The following NEIL3 variants were observed in gnomAD, a reference collection of about 807,000 sequenced individuals.
The protein encoded by NEIL3 is nei like DNA glycosylase 3.
A neutral mutation model predicts 57.5 loss-of-function variants in NEIL3; 48 were observed. The ratio of observed to expected loss-of-function variants is 0.83; its 90% CI spans 0.66 to 1.06. The LOEUF (loss-of-function observed/expected upper bound fraction) is 1.06, where lower values mean the gene tolerates loss of function less well. Among genes scored for constraint, NEIL3 ranks in the 50% least tolerant of loss-of-function variants. The pLI, the probability that NEIL3 is intolerant of heterozygous loss-of-function variation, is 0.00. For missense variants in NEIL3, 717 were observed against 739.1 expected (o/e 0.97, Z 0.35); for synonymous variants, 261 against 253.2 (o/e 1.03, Z -0.29).
intron 7 of NEIL3, among the ~76,000 whole-genome samples, chr4:177,352,225 A>G (rs1735368983): frequency 6.6e-6 from 1 of 152,200 alleles, no homozygotes; most frequent in South Asian, 2.1e-4. Flanking sequence ...GCATTGTGTC[A>G]ACTGTCATAT....
Position 177,335,621 on chromosome 4 carries a change from G to A in NEIL3, c.279-67G>A, listed in dbSNP as rs549732114. Reference sequence around the variant, plus strand: ...CTTATAATCCAAAAAAAAAATGATAGTACAGGAAAAAAGCTTGATAAATGA... The same window carrying A: ...CTTATAATCCAAAAAAAAAATGATAATACAGGAAAAAAGCTTGATAAATGA... On this transcript the variant is annotated intron_variant, in intron 2 of 9. Transcript: ENST00000264596. The A allele has an allele frequency of 9.2e-5, 135 of 1,462,072 alleles. No homozygotes were observed. In the African/African-American group the frequency reaches 1.6e-3, roughly 17 times the overall value. 90.6% of individuals were successfully genotyped at this position (1,462,072 alleles called of 1,614,324 possible). A position where few individuals can be genotyped will look rare whatever the true frequency, so the allele number is the denominator to read the frequency against.
chr4:177,322,818 A>G (rs922067851), intron 2 of NEIL3, among the ~76,000 whole-genome samples: 2 of 152,206 alleles, frequency 1.3e-5, no homozygotes, highest in Admixed American at 6.5e-5. Flanking sequence ...GATGTATTAG[A>G]GCAACACATC....
chr4:177,345,670 C>T (rs1384239718), intron 6 of NEIL3, among the ~76,000 whole-genome samples: 1 of 147,540 alleles, frequency 6.8e-6, no homozygotes, highest in African/African-American at 2.5e-5. Context: ...CATGAGCCAC[C>T]ACGCCTGGCT....
At chr4:177,341,683 A>T in intron 6 of NEIL3, 41 bp downstream of exon 6, 17 of 1,531,012 alleles carry the variant, frequency 1.1e-5, no homozygotes, top group Non-Finnish European at 1.5e-5. Context: ...TGCCCTAACC[A>T]TCTAACTAAA....
At chr4:177,364,885 G>T (rs548217428), downstream of NEIL3, among the ~76,000 whole-genome samples, 3 of 149,828 alleles carry the variant, frequency 2.0e-5, no homozygotes, top group South Asian at 6.3e-4. Flanking sequence ...CTGAGATCTC[G>T]CCATTGCACT....
At chr4:177,318,978 A>C (rs750745672) in intron 1 of NEIL3, among the ~76,000 whole-genome samples, 6 of 152,198 alleles carry the variant, frequency 3.9e-5, no homozygotes, top group African/African-American at 7.2e-5. Context: ...TTTAATGGGG[A>C]GGAGGATCAT....
chr4:177,351,304 C>T, intron 6 of NEIL3, 76 bp from the exon 7 acceptor site: 1 of 891,826 alleles, frequency 1.1e-6, no homozygotes, highest in Non-Finnish European at 1.6e-6. Context: ...ATTAATGGTT[C>T]TATAATCATT....
chr4:177,337,930 A>G (rs1257201053), intron 4 of NEIL3, among the ~76,000 whole-genome samples: 1 of 152,154 alleles, frequency 6.6e-6, no homozygotes, highest in Non-Finnish European at 1.5e-5. Context: ...GAGGCAGGAC[A>G]ATCGCTTAAG....
chr4:177,338,357 A>T (rs779459513), intron 4 of NEIL3, among the ~76,000 whole-genome samples: 4 of 152,176 alleles, frequency 2.6e-5, no homozygotes, highest in Non-Finnish European at 4.4e-5. Context: ...ACTCCTGCCT[A>T]TACCAAGTCC....
intron 2 of NEIL3, among the ~76,000 whole-genome samples, chr4:177,324,978 TA>T (rs1734752625): frequency 1.3e-5 from 2 of 151,990 alleles, no homozygotes; most frequent in Non-Finnish European, 2.9e-5. Flanking sequence ...GATAGATAGA[TA>T]GATAGATAAG....
In NEIL3 at chr4:177,353,552, T is replaced by C. The variant is rs752071879; in HGVS notation, c.1284T>C (p.Asp428=). 7 of 1,613,358 alleles carry C rather than the reference T, an allele frequency of 4.3e-6. No homozygotes were observed. In the African/African-American group the frequency reaches 9.4e-5, roughly 22 times the overall value. The change falls in exon 8 of 10, where the codon GAT becomes GAC. Residue 428 remains aspartate, a synonymous_variant. Transcript: ENST00000264596. ...NSPPASVCLN[D]IQHPSKKTTN... is the part of the protein sequence containing the mutation. ...CTCCTGCTAGTGTTTGTTTGAATGA[T>C]ATACAGCACCCCTCCAAGAAGACAA...
At chr4:177,343,485 C>G (rs906066873) in intron 6 of NEIL3, 3 of 152,318 alleles carry the variant, frequency 2.0e-5, no homozygotes, top group African/African-American at 7.2e-5. Flanking sequence ...GTGGGAAACC[C>G]GGGAGGTGGG....
intron 1 of NEIL3, among the ~76,000 whole-genome samples, chr4:177,313,514 G>A (rs72992401): frequency 7.7e-4 from 118 of 152,260 alleles, no homozygotes; most frequent in African/African-American, 2.7e-3. Flanking sequence ...TGGAGATTGT[G>A]GAAACTTATG....
chr4:177,311,258 AC>A (rs1734470551), intron 1 of NEIL3, among the ~76,000 whole-genome samples: 1 of 152,218 alleles, frequency 6.6e-6, no homozygotes, highest in Admixed American at 6.5e-5. Flanking sequence ...TTGGGAAGAC[AC>A]AAAGACATTC....
At chr4:177,346,996 C>T (rs1277633384) in intron 6 of NEIL3, among the ~76,000 whole-genome samples, 73 of 115,902 alleles carry the variant, frequency 6.3e-4, no homozygotes, top group Non-Finnish European at 1.1e-3. Flanking sequence ...AGCGAGACTC[C>T]GTCTCAAAAA....
At chr4:177,369,923 C>A in the NEIL3 span, among the ~76,000 whole-genome samples, 1 of 152,100 alleles carries the variant, frequency 6.6e-6, no homozygotes, top group Admixed American at 6.5e-5. Flanking sequence ...TCAGTAATAG[C>A]CCTGCTACTG....
intron 8 of NEIL3, among the ~76,000 whole-genome samples, chr4:177,354,774 G>A (rs1400244678): frequency 2.6e-5 from 4 of 152,124 alleles, no homozygotes; most frequent in Admixed American, 1.3e-4. Flanking sequence ...GAGCCACTAC[G>A]CCTGGCGTTG....
rs1388534647 is a variant in NEIL3, at chr4:177,341,624, C to T, written c.851C>T (p.Pro284Leu). 6.2e-7 allele frequency: 1 copy of T among 1,613,010 alleles called. No individual in the cohort carries two copies. Among genetic ancestry groups the T allele is most frequent in the African/African-American group, 1.3e-5 (1 of 74,946 alleles). Reference sequence around the variant, plus strand: ...TGTCCTCACTGTCAAAAAGAAAATCCTCAACATGTTGACATATGGTAAGAT... The same window carrying T: ...TGTCCTCACTGTCAAAAAGAAAATCTTCAACATGTTGACATATGGTAAGAT... ...YFCPHCQKENPQHVDICKLPT... is the reference protein window; with the variant it reads ...YFCPHCQKENLQHVDICKLPT... Residue 284 changes from proline to leucine, a missense_variant, in exon 6 of 10, where the codon CCT becomes CTT. Physicochemically the swap from Pro to Leu is moderately conservative, Grantham distance 98. Coordinates refer to ENST00000264596, the MANE Select transcript of NEIL3 (RefSeq NM_018248.3).
At chr4:177,366,690 C>T (rs1313787221), downstream of NEIL3, among the ~76,000 whole-genome samples, 2 of 152,174 alleles carry the variant, frequency 1.3e-5, no homozygotes, top group South Asian at 2.1e-4. Flanking sequence ...TGAGCCACCG[C>T]GCCAGGCCTC....
Sources: gnomAD v4.1 joint callset for allele counts (sites outside exome capture counted in the v4.1 genomes callset) on GRCh38, gnomAD v4.1.1 for gene constraint, MANE v1.5 for transcripts, NCBI Gene and HGNC (gene_info 2026-07-23, HGNC 2026-07-21) for gene names.